Variants in PTPN4 observed in about 807,000 individuals in gnomAD.
The protein encoded by PTPN4 is protein tyrosine phosphatase non-receptor type 4, also known as tyrosine-protein phosphatase non-receptor type 4.
Under a neutral mutation model 135.5 loss-of-function variants are expected in PTPN4, and 49 were observed. That is an observed-to-expected ratio of 0.36 (90% CI 0.29 to 0.46). The LOEUF is 0.46. Among genes scored for constraint, PTPN4 ranks in the 20% least tolerant of loss-of-function variants. PTPN4 has a pLI of 1.00. For synonymous variants in PTPN4, 333 were observed against 369.9 expected (o/e 0.90, Z 1.14); for missense variants, 860 against 1,101.0 (o/e 0.78, Z 3.10).
intron 1 of PTPN4, among the ~76,000 whole-genome samples, chr2:119,780,429 A>T (rs555898734): frequency 6.6e-6 from 1 of 151,750 alleles, no homozygotes; most frequent in African/African-American, 2.4e-5. Context: ...TTCTACCCTA[A>T]CCCCCCGCCA....
At chr2:119,893,232 C>G (rs1218559176) in intron 9 of PTPN4, among the ~76,000 whole-genome samples, 1 of 152,010 alleles carries the variant, frequency 6.6e-6, no homozygotes. Context: ...GGGTGGTGGA[C>G]AGTAATCAGA....
At chr2:119,940,067 C>A (rs183411989) in intron 15 of PTPN4, among the ~76,000 whole-genome samples, 8 of 152,320 alleles carry the variant, frequency 5.3e-5, no homozygotes, top group Non-Finnish European at 1.2e-4. Context: ...GAGCTAAGGG[C>A]AGACACCTTG....
chr2:119,849,541 A>G (rs1365739001), intron 2 of PTPN4, among the ~76,000 whole-genome samples: 3 of 152,160 alleles, frequency 2.0e-5, no homozygotes, highest in Admixed American at 2.0e-4. Context: ...GGCTCAAGCA[A>G]TCCACCCACC....
At chr2:119,802,516 G>T (rs1415798635) in intron 1 of PTPN4, among the ~76,000 whole-genome samples, 1 of 152,162 alleles carries the variant, frequency 6.6e-6, no homozygotes, top group Non-Finnish European at 1.5e-5. Flanking sequence ...GGATTATATT[G>T]ATTGATTGTT....
At chr2:119,909,816 G>A (rs1044361101) in intron 10 of PTPN4, among the ~76,000 whole-genome samples, 1 of 152,098 alleles carries the variant, frequency 6.6e-6, no homozygotes, top group African/African-American at 2.4e-5. Flanking sequence ...CTTTGAGGGG[G>A]TTAAGACTTC....
chr2:119,965,532 C>G lies in PTPN4; in HGVS notation c.2445C>G (p.Tyr815Ter), dbSNP rs1679433941. 1 of 1,613,274 alleles carries G rather than the reference C, an allele frequency of 6.2e-7. No homozygotes were observed. The highest frequency in any genetic ancestry group is 8.5e-7 in the Non-Finnish European group (1 of 1,179,418). The change falls in exon 25 of 27, where the codon TAC becomes TAG. Residue 815 changes from tyrosine (Y) to a stop codon, truncating the protein, a stop_gained. Coordinates refer to ENST00000263708, the MANE Select transcript of PTPN4 (RefSeq NM_002830.4). LOFTEE classifies it high-confidence loss of function. ...NESRPLTQIQYIAWPDHGVPD... is the reference protein window; with the variant it reads ...NESRPLTQIQ ...GTCGTCCACTCACTCAGATCCAGTA[C>G]ATAGCCTGGCCTGACCATGGAGTCC...
In PTPN4 at chr2:119,975,543, T is replaced by G. The variant is rs558727351; in HGVS notation, c.2695-1441T>G. 2.6e-4 allele frequency among the ~76,000 whole-genome samples: 39 copies of G among 152,258 alleles called. No individual in the cohort carries two copies. In the East Asian group the frequency reaches 5.8e-3, roughly 23 times the overall value. ...GAGTTCAAGACCAGTCTGGCCAACA[T>G]GGTGAAAGCCTGTCTCTGCGAAAGT... On this transcript the variant is annotated intron_variant, in intron 26 of 26. Transcript: ENST00000263708.
rs1158559538 is a variant in PTPN4 at position 119,796,863 on chromosome 2, TGTG to T, written c.-17-12973_-17-12971del. On this transcript the variant is annotated intron_variant, in intron 1 of 26. Transcript: ENST00000263708. ...GCATTTGGCATTGTCACTGTTTTTG[TGTG>T]TGTGTGTGTGTGTGTGTGTGTGTGT... Among the ~76,000 whole-genome samples, 21 of 688 alleles carry T rather than the reference TGTG, an allele frequency of 0.031. No individual in the cohort carries two copies. The East Asian group carries it at 0.31, about 10-fold the overall frequency. The allele number at this position is 688 out of a possible 152,430, so 0.5% of individuals were successfully genotyped here.
In PTPN4 at chr2:119,967,953, C is replaced by T; in HGVS notation, c.2675C>T (p.Ala892Val). The T allele has an allele frequency of 6.2e-7, 1 of 1,600,582 alleles. No individual in the cohort carries two copies. The highest frequency in any genetic ancestry group is 8.5e-7 in the Non-Finnish European group (1 of 1,171,170). The change falls in exon 26 of 27, where the codon GCC becomes GTC. Residue 892 changes from alanine to valine, a missense_variant. By Grantham distance (64) the Ala-to-Val change is moderately conservative (BLOSUM62 0). Coordinates refer to ENST00000263708, the MANE Select transcript of PTPN4 (RefSeq NM_002830.4). The stretch of plus-strand genomic sequence containing the variant: ...GTAAGAACAATGAGAGATCAGCGAG[C>T]CATGATGATCCAAACACCTGTGAGT... ...DIVRTMRDQR[A>V]MMIQTPSQYR...
intron 26 of PTPN4, among the ~76,000 whole-genome samples, chr2:119,970,316 T>C (rs1265475362): frequency 6.6e-6 from 1 of 152,150 alleles, no homozygotes; most frequent in African/African-American, 2.4e-5. Context: ...CGCCTTGGCC[T>C]CTCAAAGTGC....
chr2:119,963,470 G>A (rs1679401145), intron 24 of PTPN4, among the ~76,000 whole-genome samples: 1 of 152,212 alleles, frequency 6.6e-6, no homozygotes, highest in South Asian at 2.1e-4. Flanking sequence ...ATAACTGCTA[G>A]AGAAGAGCAA....
At chr2:119,813,203 T>G (rs1262313258) in intron 2 of PTPN4, among the ~76,000 whole-genome samples, 2 of 152,050 alleles carry the variant, frequency 1.3e-5, no homozygotes. Flanking sequence ...ATATATGACC[T>G]CTTGATATCC....
In PTPN4 at chr2:119,962,689, C is replaced by T; in HGVS notation, c.2354C>T (p.Ser785Phe). ...GGATGCTACCAAGTTACCTGCCACTCTGAAGAAGGAAACACTGCCTATATC... is the reference window on the plus strand; with the variant it reads ...GGATGCTACCAAGTTACCTGCCACTTTGAAGAAGGAAACACTGCCTATATC... ...SYGCYQVTCH[S>F]EEGNTAYIFR... The change falls in exon 24 of 27, where the codon TCT becomes TTT. Residue 785 changes from serine to phenylalanine, a missense_variant. Coordinates refer to ENST00000263708, the MANE Select transcript of PTPN4 (RefSeq NM_002830.4). The T allele has an allele frequency of 6.3e-7, 1 of 1,590,430 alleles. No homozygotes were observed. Among genetic ancestry groups the T allele is most frequent in the Non-Finnish European group, 8.6e-7 (1 of 1,163,016 alleles).
At chr2:119,847,305 C>T (rs1381025856) in intron 2 of PTPN4, among the ~76,000 whole-genome samples, 3 of 99,338 alleles carry the variant, frequency 3.0e-5, no homozygotes, top group African/African-American at 4.3e-5. Flanking sequence ...CACACACACA[C>T]ACACACACAC....
At chr2:119,883,977 G>C (rs1678117731) in intron 8 of PTPN4, among the ~76,000 whole-genome samples, 1 of 152,196 alleles carries the variant, frequency 6.6e-6, no homozygotes, top group South Asian at 2.1e-4. Flanking sequence ...TCAGCTCACT[G>C]CAAGCTCCGC....
intron 9 of PTPN4, among the ~76,000 whole-genome samples, chr2:119,893,119 T>A (rs1678265472): frequency 6.6e-6 from 1 of 152,208 alleles, no homozygotes; most frequent in Non-Finnish European, 1.5e-5. Context: ...TTTACATTTT[T>A]AAAATATAAC....
intron 26 of PTPN4, among the ~76,000 whole-genome samples, chr2:119,974,860 G>A (rs1374197529): frequency 6.6e-6 from 1 of 152,104 alleles, no homozygotes; most frequent in African/African-American, 2.4e-5. Flanking sequence ...ACAAATTCAG[G>A]ACCACAGTGT....
intron 25 of PTPN4, among the ~76,000 whole-genome samples, chr2:119,965,993 A>G (rs1679440039): frequency 6.6e-6 from 1 of 152,180 alleles, no homozygotes; most frequent in South Asian, 2.1e-4. Context: ...GAGACTGGGT[A>G]ATTTAAAAGG....
intron 15 of PTPN4, among the ~76,000 whole-genome samples, chr2:119,939,917 A>C: frequency 6.6e-6 from 1 of 152,222 alleles, no homozygotes. Context: ...ATATCAAGCC[A>C]TGGGGACTTA....
Sources: gnomAD v4.1 joint callset for allele counts (sites outside exome capture counted in the v4.1 genomes callset) on GRCh38, gnomAD v4.1.1 for gene constraint, MANE v1.5 for transcripts, NCBI Gene and HGNC (gene_info 2026-07-23, HGNC 2026-07-21) for gene names.